PIK3CA: variants seen among roughly 807,000 people sequenced by gnomAD.
PIK3CA encodes the protein phosphatidylinositol-4,5-bisphosphate 3-kinase catalytic subunit alpha.
In PIK3CA, 27 loss-of-function variants were observed where a neutral mutation model predicts 138.2. The ratio of observed to expected loss-of-function variants is 0.20; its 90% CI spans 0.14 to 0.27. PIK3CA has a LOEUF of 0.27. PIK3CA is among the 10% of genes least tolerant of loss of function. The pLI is 1.00. For synonymous variants in PIK3CA, 358 were observed against 413.2 expected, an observed-to-expected ratio of 0.87 and a Z score of 1.62; for missense variants, 544 against 1,277.4, an observed-to-expected ratio of 0.43 and a Z score of 8.75.
intron 7 of PIK3CA, 103 bp downstream of exon 7, chr3:179,209,803 AAAT>A (rs1411970535): frequency 7.5e-6 from 4 of 533,030 alleles, no homozygotes; most frequent in South Asian, 4.0e-5. Context: ...ATATTTAAGA[AAAT>A]AATAATAAAC....
chr3:179,224,143 C>G lies in PIK3CA; in HGVS notation c.2250C>G (p.Gly750=). Residue 750 remains glycine, a synonymous_variant, in exon 15 of 21, where the codon GGC becomes GGG. Transcript: ENST00000263967. The part of the protein sequence containing the change: ...RRPDFMDALQ[G]FLSPLNPAHQ... ...CAGATTTCATGGATGCTCTACAGGG[C>G]TTTCTGTCTCCTCTAAACCCTGCTC... The G allele has an allele frequency of 4.4e-6, 7 of 1,601,500 alleles. No homozygotes were observed. The highest frequency in any genetic ancestry group is 6.0e-6 in the Non-Finnish European group (7 of 1,171,142).
rs73882958 is a variant in PIK3CA, at chr3:179,168,606, G to A, written c.-77+20003G>A. Among the ~76,000 whole-genome samples, 151 of 152,126 alleles carry A rather than the reference G, an allele frequency of 9.9e-4. 1 individual carries two copies. The highest frequency in any genetic ancestry group is 3.4e-3 in the African/African-American group (140 of 41,524). On this transcript the variant is annotated intron_variant, in intron 1 of 20. Coordinates refer to ENST00000263967, the MANE Select transcript of PIK3CA (RefSeq NM_006218.4). Reference sequence around the variant, plus strand: ...AACTTGTGCAATAAGGAAGTATTCAGTTGTTGAACCTCTTTGATTTATTGT... The same window carrying A: ...AACTTGTGCAATAAGGAAGTATTCAATTGTTGAACCTCTTTGATTTATTGT...
At chr3:179,205,623 G>A (rs965851665) in intron 6 of PIK3CA, among the ~76,000 whole-genome samples, 1 of 152,140 alleles carries the variant, frequency 6.6e-6, no homozygotes, top group African/African-American at 2.4e-5. Context: ...TTTGTTAGTG[G>A]GAGAGGGAGT....
chr3:179,229,127 TA>T, intron 17 of PIK3CA, 144 bp from the exon 18 acceptor site: 1 of 587,822 alleles, frequency 1.7e-6, no homozygotes, highest in Non-Finnish European at 2.9e-6. Flanking sequence ...TATCACACCA[TA>T]AAAAAGAAAA....
Position 179,221,095 on chromosome 3 carries a change from A to G in PIK3CA, c.2125A>G (p.Met709Val). The G allele has an allele frequency of 6.2e-7, 1 of 1,613,380 alleles. No homozygotes were observed. Among genetic ancestry groups the G allele is most frequent in the Non-Finnish European group, 8.5e-7 (1 of 1,179,438 alleles). Reference sequence around the variant, plus strand: ...GCACCTGAATAGGCAAGTCGAGGCAATGGAAAAGCTCATTAACTTAACTGA... The same window carrying G: ...GCACCTGAATAGGCAAGTCGAGGCAGTGGAAAAGCTCATTAACTTAACTGA... ...LKHLNRQVEA[M>V]EKLINLTDIL... The change falls in exon 14 of 21, where the codon ATG (methionine) becomes GTG (valine). Residue 709 changes from methionine to valine, a missense_variant. By Grantham distance (21) the Met-to-Val change is conservative. Coordinates refer to ENST00000263967, the MANE Select transcript of PIK3CA (RefSeq NM_006218.4).
chr3:179,165,340 AC>A (rs1723391580), intron 1 of PIK3CA, among the ~76,000 whole-genome samples: 1 of 152,144 alleles, frequency 6.6e-6, no homozygotes, highest in Non-Finnish European at 1.5e-5. Flanking sequence ...AATTATCCAG[AC>A]CCTAGAAATT....
chr3:179,231,561 C>T (rs1343828569), intron 20 of PIK3CA, among the ~76,000 whole-genome samples: 1 of 144,758 alleles, frequency 6.9e-6, no homozygotes, highest in Non-Finnish European at 1.5e-5. Flanking sequence ...TGATGTTGAG[C>T]ATTTTTTCAT....
chr3:179,222,587 A>G (rs1380720168), intron 14 of PIK3CA, among the ~76,000 whole-genome samples: 1 of 152,216 alleles, frequency 6.6e-6, no homozygotes, highest in African/African-American at 2.4e-5. Context: ...ATGGGATGCG[A>G]AAACACAAAA....
intron 3 of PIK3CA, 142 bp from the exon 4 acceptor site, chr3:179,201,148 C>G (rs556522977): frequency 1.5e-6 from 1 of 679,682 alleles, no homozygotes; most frequent in African/African-American, 1.8e-5. Flanking sequence ...CTGTTTCTAC[C>G]TGATATTTAC....
chr3:179,149,096 C>T (rs1722938731), intron 1 of PIK3CA, among the ~76,000 whole-genome samples: 1 of 152,122 alleles, frequency 6.6e-6, no homozygotes, highest in Non-Finnish European at 1.5e-5. Flanking sequence ...CCTGCGTTTG[C>T]CTCTTACTGG....
At chr3:179,168,440 A>G (rs1723472038) in intron 1 of PIK3CA, among the ~76,000 whole-genome samples, 1 of 152,010 alleles carries the variant, frequency 6.6e-6, no homozygotes, top group African/African-American at 2.4e-5. Flanking sequence ...TTTTATCTCT[A>G]TCTTTTATTG....
chr3:179,184,733 G>A (rs1345534958), intron 1 of PIK3CA, among the ~76,000 whole-genome samples: 1 of 152,138 alleles, frequency 6.6e-6, no homozygotes, highest in Non-Finnish European at 1.5e-5. Context: ...TTTCCCCTCT[G>A]TGGATACCGA....
In PIK3CA at chr3:179,198,881, G is replaced by A. The variant is rs2108385161; in HGVS notation, c.56G>A (p.Arg19Lys). 1 of 1,598,078 alleles carries A rather than the reference G, an allele frequency of 6.3e-7. No individual in the cohort carries two copies. Among genetic ancestry groups the A allele is most frequent in the Non-Finnish European group, 8.5e-7 (1 of 1,174,598 alleles). Residue 19 changes from arginine (R) to lysine (K), a missense_variant, in exon 2 of 21, where the codon AGA becomes AAA. Transcript: ENST00000263967. ...TGGGGCATCCACTTGATGCCCCCAA[G>A]AATCCTAGTAGAATGTTTACTACCA... ...ELWGIHLMPP[R>K]ILVECLLPNG...
intron 2 of PIK3CA, 55 bp from the exon 3 acceptor site, chr3:179,199,635 T>C: frequency 8.0e-7 from 1 of 1,256,922 alleles, no homozygotes; most frequent in Non-Finnish European, 1.1e-6. Context: ...AAAAAAAACA[T>C]GTTCATGCTG....
chr3:179,233,253 T>C, intron 20 of PIK3CA: 2 of 398,046 alleles, frequency 5.0e-6, no homozygotes, highest in East Asian at 3.6e-5. Context: ...CTTTTCCAAT[T>C]TGGATGCCAA....
chr3:179,227,188 T>C (rs551937615), intron 17 of PIK3CA, among the ~76,000 whole-genome samples: 1 of 152,158 alleles, frequency 6.6e-6, no homozygotes, highest in African/African-American at 2.4e-5. Context: ...TAAATATAAG[T>C]AAAAATTTTA....
intron 1 of PIK3CA, among the ~76,000 whole-genome samples, chr3:179,182,849 G>A (rs188088533): frequency 1.3e-5 from 2 of 152,220 alleles, no homozygotes; most frequent in East Asian, 1.9e-4. Flanking sequence ...TGCTTGAAAG[G>A]GAAAATAAAG....
intron 1 of PIK3CA, among the ~76,000 whole-genome samples, chr3:179,189,993 T>C (rs374092041): frequency 1.3e-5 from 2 of 152,176 alleles, no homozygotes; most frequent in East Asian, 1.9e-4. Flanking sequence ...CAGTGACTCT[T>C]AGAGGAAGAG....
chr3:179,224,700 G>C lies in PIK3CA; in HGVS notation c.2295G>C (p.Arg765Ser), dbSNP rs2108417764. 2 of 1,599,242 alleles carry C rather than the reference G, an allele frequency of 1.3e-6. No homozygotes were observed. Among genetic ancestry groups the C allele is most frequent in the Non-Finnish European group, 8.6e-7 (1 of 1,169,318 alleles). The change falls in exon 16 of 21, where the codon AGG becomes AGC. Residue 765 changes from arginine to serine, a missense_variant and splice_region_variant. Coordinates refer to ENST00000263967, the MANE Select transcript of PIK3CA (RefSeq NM_006218.4). ...AGTAAAGTTTTTAACTATTTTAAAGGCTTGAAGAGTGTCGAATTATGTCCT... is the reference window on the plus strand; with the variant it reads ...AGTAAAGTTTTTAACTATTTTAAAGCCTTGAAGAGTGTCGAATTATGTCCT... ...LNPAHQLGNL[R>S]LEECRIMSSA...
Sources: allele counts gnomAD v4.1 joint callset (sites outside exome capture counted in the v4.1 genomes callset), GRCh38; gene constraint gnomAD v4.1.1; transcripts MANE v1.5; gene names NCBI Gene and HGNC (gene_info 2026-07-23, HGNC 2026-07-21).